The following SLC34A2 variants were observed in gnomAD, a reference collection of about 807,000 sequenced individuals.
SLC34A2 encodes the protein solute carrier family 34 member 2, also known as sodium-dependent phosphate transport protein 2B.
In SLC34A2, 41 loss-of-function variants were observed where a neutral mutation model predicts 50.8. That is an observed-to-expected ratio of 0.81 (90% CI 0.63 to 1.05). The LOEUF is 1.05. Among genes scored for constraint, SLC34A2 ranks in the 50% least tolerant of loss-of-function variants. The probability of loss-of-function intolerance (pLI) is 0.00; values close to 1 mark genes in which losing one functional copy is unlikely to be tolerated. For synonymous variants in SLC34A2, 401 were observed against 364.2 expected (o/e 1.10, Z -1.15); for missense variants, 879 against 876.7 (o/e 1.00, Z -0.03).
intron 10 of SLC34A2, 51 bp downstream of exon 10, chr4:25,673,305 G>GA: frequency 6.4e-7 from 1 of 1,559,834 alleles, no homozygotes. Context: ...ACTGCATGGG[G>GA]TGTGGGGGTC....
At chr4:25,675,986 T>G in intron 12 of SLC34A2, 149 bp from the exon 13 acceptor site, 3 of 1,299,148 alleles carry the variant, frequency 2.3e-6, no homozygotes, top group Non-Finnish European at 3.2e-6. Context: ...CCAGGTACCC[T>G]CTGGGCTGAG....
chr4:25,663,871 CCTCA>C (rs1714341296), intron 3 of SLC34A2, among the ~76,000 whole-genome samples: 1 of 152,322 alleles, frequency 6.6e-6, no homozygotes, highest in South Asian at 2.1e-4. Flanking sequence ...CTGTCAACTG[CCTCA>C]CTCAGTGACA....
intron 1 of SLC34A2, among the ~76,000 whole-genome samples, chr4:25,660,069 C>G (rs780071408): frequency 6.6e-5 from 10 of 152,202 alleles, no homozygotes; most frequent in Non-Finnish European, 5.9e-5. Flanking sequence ...GGAGTAATTT[C>G]TCTTTTTTCA....
At chr4:25,661,090 G>T (rs1714158225) in intron 1 of SLC34A2, among the ~76,000 whole-genome samples, 1 of 152,190 alleles carries the variant, frequency 6.6e-6, no homozygotes, top group Non-Finnish European at 1.5e-5. Context: ...TTCTAACAAA[G>T]GATGATTAAT....
intron 12 of SLC34A2, 81 bp from the exon 13 acceptor site, chr4:25,676,054 A>G (rs1715090102): frequency 1.9e-6 from 3 of 1,571,968 alleles, no homozygotes; most frequent in East Asian, 4.6e-5. Context: ...GATGCCTGCT[A>G]GCTTACCTCC....
intron 4 of SLC34A2, among the ~76,000 whole-genome samples, chr4:25,665,457 C>A (rs536801420): frequency 6.6e-6 from 1 of 152,042 alleles, no homozygotes; most frequent in Non-Finnish European, 1.5e-5. Flanking sequence ...TGTGAGCCAC[C>A]GTGCCTGGCC....
At chr4:25,668,764 T>TA (rs1714651060) in intron 6 of SLC34A2, among the ~76,000 whole-genome samples, 1 of 152,134 alleles carries the variant, frequency 6.6e-6, no homozygotes, top group African/African-American at 2.4e-5. Context: ...TACAAGTTAA[T>TA]AAAAAACAAA....
At chr4:25,663,632 G>C (rs1714328652) in intron 3 of SLC34A2, among the ~76,000 whole-genome samples, 1 of 152,108 alleles carries the variant, frequency 6.6e-6, no homozygotes. Flanking sequence ...TGTGGGGTGG[G>C]GAGGAGAGGT....
Position 25,667,880 on chromosome 4 carries a change from T to A in SLC34A2, c.524T>A (p.Leu175Ter). ...SIVVSMVSSS[L>*]LTVRAAIPII... ...CTAATGGTACTTTTCCATCCTCTAG[T>A]GCTCACTGTTCGGGCTGCCATCCCC... Residue 175 changes from leucine to a stop codon, truncating the protein, a stop_gained and splice_region_variant, in exon 6 of 13, where the codon TTG becomes TAG. Coordinates refer to ENST00000382051, the MANE Select transcript of SLC34A2 (RefSeq NM_006424.3). LOFTEE classifies it high-confidence loss of function. 6.2e-7 allele frequency: 1 copy of A among 1,606,376 alleles called. No individual in the cohort carries two copies.
chr4:25,662,394 C>A, intron 1 of SLC34A2, 104 bp from the exon 2 acceptor site: 2 of 1,030,522 alleles, frequency 1.9e-6, no homozygotes, highest in Non-Finnish European at 3.0e-6. Flanking sequence ...CCGGCCGAAA[C>A]CCCCACCCAG....
intron 12 of SLC34A2, among the ~76,000 whole-genome samples, chr4:25,675,371 A>G (rs1199887793): frequency 6.6e-6 from 1 of 152,194 alleles, no homozygotes; most frequent in Non-Finnish European, 1.5e-5. Flanking sequence ...ATACTAAGTG[A>G]CCTTTGGCAA....
At chr4:25,664,120 G>A (rs1714357298) in intron 3 of SLC34A2, 82 bp from the exon 4 acceptor site, 1 of 1,417,874 alleles carries the variant, frequency 7.1e-7, no homozygotes, top group Non-Finnish European at 1.0e-6. Context: ...GGAGCTCTGA[G>A]CTCATTGCCA....
chr4:25,663,292 G>A (rs903314041), intron 3 of SLC34A2, among the ~76,000 whole-genome samples: 4 of 152,174 alleles, frequency 2.6e-5, no homozygotes, highest in Non-Finnish European at 4.4e-5. Flanking sequence ...GCATGTTGGA[G>A]TAATTGGGGG....
Position 25,676,308 on chromosome 4 carries a change from G to T in SLC34A2, c.1632G>T (p.Val544=). 1.2e-6 allele frequency: 2 copies of T among 1,614,218 alleles called. No individual in the cohort carries two copies. The highest frequency in any genetic ancestry group is 1.7e-6 in the Non-Finnish European group (2 of 1,180,042). Residue 544 remains valine (V), a synonymous_variant, in exon 13 of 13, where the codon GTG becomes GTT. Coordinates refer to ENST00000382051, the MANE Select transcript of SLC34A2 (RefSeq NM_006424.3). ...TCTTCTTCCTGATCCCGCTGACGGT[G>T]TTTGGCCTCTCGCTGGCCGGCTGGC... is the stretch of plus-strand genomic sequence containing the variant. ...IIFFFLIPLT[V]FGLSLAGWRV...
rs181487387 is a variant in SLC34A2, at chr4:25,669,801, C to T, written c.790C>T (p.Leu264=). The T allele has an allele frequency of 6.2e-7, 1 of 1,614,192 alleles. No homozygotes were observed. The highest frequency in any genetic ancestry group is 1.7e-5 in the Admixed American group (1 of 60,024). Residue 264 remains leucine (L), a synonymous_variant, in exon 7 of 13, where the codon CTG becomes TTG. Coordinates refer to ENST00000382051, the MANE Select transcript of SLC34A2 (RefSeq NM_006424.3). ...FKNGEDAPDL[L]KVITKPFTKL... ...GAATGGAGAAGATGCCCCAGATCTT[C>T]TGAAAGTCATCACTAAGCCCTTCAC...
intron 3 of SLC34A2, among the ~76,000 whole-genome samples, chr4:25,663,253 C>T (rs1449251023): frequency 6.6e-6 from 1 of 152,172 alleles, no homozygotes; most frequent in African/African-American, 2.4e-5. Flanking sequence ...AGCACCCGGC[C>T]ACCCTCCCAT....
At position 25,676,124 on chromosome 4, in the gene SLC34A2, T is replaced by G. The variant is rs774135337; in HGVS notation, c.1459-11T>G. The G allele has an allele frequency of 6.2e-7, 1 of 1,613,736 alleles. No individual in the cohort carries two copies. Among genetic ancestry groups the G allele is most frequent in the East Asian group, 2.2e-5 (1 of 44,886 alleles). On this transcript the variant is annotated splice_polypyrimidine_tract_variant and intron_variant, in intron 12 of 12. Transcript: ENST00000382051. The stretch of plus-strand genomic sequence containing the variant: ...ACAGGCCCCTCACCTGTCCAACCTC[T>G]TGTGTTGCAGATCGCCCTGTGCCAC...
rs1714827700 is a variant in SLC34A2 at position 25,671,734 on chromosome 4, C to T, written c.1048+13C>T. On this transcript the variant is annotated intron_variant, in intron 9 of 12. Coordinates refer to ENST00000382051, the MANE Select transcript of SLC34A2 (RefSeq NM_006424.3). ...AACATCGCCAAATGTGAGTGGAGCT[C>T]AGTGGATTGGCCACTATGACAGGTG... 3 of 1,614,032 alleles carry T rather than the reference C, an allele frequency of 1.9e-6. No homozygotes were observed. The highest frequency in any genetic ancestry group is 2.2e-5 in the East Asian group (1 of 44,878).
Position 25,676,676 on chromosome 4 carries a change from A to C in SLC34A2, c.2000A>C (p.Asn667Thr). 2 of 1,614,214 alleles carry C rather than the reference A, an allele frequency of 1.2e-6. No individual in the cohort carries two copies. The highest frequency in any genetic ancestry group is 1.1e-5 in the South Asian group (1 of 91,092). ...GTCAAGGCTCCTGAGACCTTTGATA[A>C]CATAACCATTAGCAGAGAGGCTCAG... ...VPVKAPETFDNITISREAQGE... is the reference protein window; with the variant it reads ...VPVKAPETFDTITISREAQGE... The change falls in exon 13 of 13, where the codon AAC becomes ACC. Residue 667 changes from asparagine to threonine, a missense_variant. Transcript: ENST00000382051.
Sources: gnomAD v4.1 joint callset for allele counts (sites outside exome capture counted in the v4.1 genomes callset) on GRCh38, gnomAD v4.1.1 for gene constraint, MANE v1.5 for transcripts, NCBI Gene and HGNC (gene_info 2026-07-23, HGNC 2026-07-21) for gene names.